Variants in MACC1 observed in about 807,000 individuals in gnomAD.
MACC1 encodes the protein metastasis-associated in colon cancer protein 1.
In MACC1, 79 loss-of-function variants were observed where a neutral mutation model predicts 70.7. That is an observed-to-expected ratio of 1.12 (90% CI 0.93 to 1.35). The LOEUF (loss-of-function observed/expected upper bound fraction) is 1.35. Ranked by LOEUF, MACC1 falls within the 40% of genes most tolerant of loss-of-function variation. The pLI is 0.00. For missense variants in MACC1, 1,106 were observed against 978.1 expected, an observed-to-expected ratio of 1.13 and a Z score of -1.74; for synonymous variants, 361 against 347.2, an observed-to-expected ratio of 1.04 and a Z score of -0.44.
intron 6 of MACC1, among the ~76,000 whole-genome samples, chr7:20,151,364 T>C (rs1338248126): frequency 6.6e-6 from 1 of 152,202 alleles, no homozygotes; most frequent in Non-Finnish European, 1.5e-5. Flanking sequence ...ACTCTAAATA[T>C]ATTCAGAAAA....
Position 20,159,028 on chromosome 7 carries a change from C to CA in MACC1, c.1332dup (p.Glu445Ter). 1 of 1,613,910 alleles carries CA rather than the reference C, an allele frequency of 6.2e-7. No homozygotes were observed. The highest frequency in any genetic ancestry group is 8.5e-7 in the Non-Finnish European group (1 of 1,179,978). On this transcript the variant is annotated frameshift_variant, in exon 5 of 7. Transcript: ENST00000400331. LOFTEE classifies it high-confidence loss of function. The stretch of plus-strand genomic sequence containing the variant: ...TTCCTTTCTCCTTCTGTCTTTACTT[C>CA]AAAATCAGGATCACAGGAAAAAATA...
chr7:20,216,387 A>G (rs1234052215), intron 1 of MACC1, among the ~76,000 whole-genome samples: 1 of 152,092 alleles, frequency 6.6e-6, no homozygotes, highest in Non-Finnish European at 1.5e-5. Context: ...ACCATTTGTA[A>G]GTGTTTACAC....
chr7:20,187,872 A>G (rs1274317301), intron 1 of MACC1, among the ~76,000 whole-genome samples: 2 of 152,158 alleles, frequency 1.3e-5, no homozygotes, highest in Non-Finnish European at 2.9e-5. Context: ...GGAAAAAACT[A>G]TCAGAGAGAA....
chr7:20,182,127 T>G (rs980570762), intron 1 of MACC1, among the ~76,000 whole-genome samples: 8 of 133,286 alleles, frequency 6.0e-5, no homozygotes, highest in African/African-American at 2.3e-4. Context: ...CACTCATAGG[T>G]GGGAATTGAA....
At position 20,137,465 on chromosome 7, in the gene MACC1, G is replaced by A. The variant is rs917549001; in HGVS notation, c.*3481C>T. The A allele has an allele frequency of 6.6e-6, 1 of 152,184 alleles. No individual in the cohort carries two copies. The highest frequency in any genetic ancestry group is 2.4e-5 in the African/African-American group (1 of 41,444). 9.4% of individuals were successfully genotyped at this position (152,184 alleles called of 1,614,324 possible). On this transcript the variant is annotated 3_prime_UTR_variant, in exon 7 of 7. Transcript: ENST00000400331. ...TTTCATATAAAGGCTTTAACACAAA[G>A]GAGGTAGAGGATCTGTGGCTTATAC...
At position 20,158,533 on chromosome 7, in the gene MACC1, G is replaced by A. The variant is rs766414832; in HGVS notation, c.1828C>T (p.His610Tyr). The A allele has an allele frequency of 1.9e-6, 3 of 1,614,044 alleles. No individual in the cohort carries two copies. The highest frequency in any genetic ancestry group is 1.7e-6 in the Non-Finnish European group (2 of 1,179,972). ...GAAATCACCTTGACATTTTTGCAGT[G>A]TACAAGTCCAATCTTACCTCTGAGG... Reference protein sequence around the residue: ...GVLRGKIGLVHCKNVKVISKE... With the variant: ...GVLRGKIGLVYCKNVKVISKE... Residue 610 changes from histidine (H) to tyrosine (Y), a missense_variant, in exon 5 of 7, where the codon CAC becomes TAC. Transcript: ENST00000400331.
chr7:20,214,641 C>T (rs1043335348), intron 1 of MACC1, among the ~76,000 whole-genome samples: 1 of 151,914 alleles, frequency 6.6e-6, no homozygotes, highest in Non-Finnish European at 1.5e-5. Context: ...GTACTTTTTG[C>T]CTACTAACAT....
At chr7:20,171,136 TAGAG>T (rs1297906262) in intron 1 of MACC1, among the ~76,000 whole-genome samples, 9 of 152,170 alleles carry the variant, frequency 5.9e-5, no homozygotes, top group South Asian at 2.1e-4. Context: ...AGACAACTGA[TAGAG>T]AAAGATGGAT....
At chr7:20,204,462 C>T (rs1431800664) in intron 1 of MACC1, among the ~76,000 whole-genome samples, 1 of 152,164 alleles carries the variant, frequency 6.6e-6, no homozygotes, top group Non-Finnish European at 1.5e-5. Context: ...CTGCTCAATT[C>T]TTTAGGATGT....
At chr7:20,183,392 C>A (rs1179109979) in intron 1 of MACC1, among the ~76,000 whole-genome samples, 2 of 152,144 alleles carry the variant, frequency 1.3e-5, no homozygotes, top group African/African-American at 4.8e-5. Context: ...AGATTTTTCC[C>A]CAGAGCCTCC....
At chr7:20,180,135 A>G (rs977249292) in intron 1 of MACC1, among the ~76,000 whole-genome samples, 1 of 152,180 alleles carries the variant, frequency 6.6e-6, no homozygotes, top group East Asian at 1.9e-4. Context: ...ATAATGATAG[A>G]AAGTATGTTC....
At chr7:20,203,747 A>G (rs1782867517) in intron 1 of MACC1, among the ~76,000 whole-genome samples, 2 of 152,176 alleles carry the variant, frequency 1.3e-5, no homozygotes, top group South Asian at 2.1e-4. Context: ...AATATTGCCA[A>G]TTGGGATTTT....
At chr7:20,177,396 A>G (rs1782410504) in intron 1 of MACC1, among the ~76,000 whole-genome samples, 1 of 152,082 alleles carries the variant, frequency 6.6e-6, no homozygotes, top group Non-Finnish European at 1.5e-5. Flanking sequence ...AAAATCTCCC[A>G]CCATGATTTT....
chr7:20,182,691 T>C (rs1782528817), intron 1 of MACC1, among the ~76,000 whole-genome samples: 1 of 152,134 alleles, frequency 6.6e-6, no homozygotes, highest in Non-Finnish European at 1.5e-5. Context: ...GTTTGTAAGT[T>C]TCCCCCATAA....
intron 1 of MACC1, among the ~76,000 whole-genome samples, chr7:20,211,342 TATTATC>T (rs755773607): frequency 3.0e-4 from 46 of 152,278 alleles, no homozygotes; most frequent in Non-Finnish European, 6.3e-4. Context: ...TTACTATCAA[TATTATC>T]ATTATCATTA....
chr7:20,197,898 G>A (rs1782779065), intron 1 of MACC1, among the ~76,000 whole-genome samples: 1 of 151,956 alleles, frequency 6.6e-6, no homozygotes, highest in Non-Finnish European at 1.5e-5. Flanking sequence ...ATATTATACA[G>A]GCTTATATTG....
intron 1 of MACC1, among the ~76,000 whole-genome samples, chr7:20,213,203 T>C (rs1783023160): frequency 6.6e-6 from 1 of 152,024 alleles, no homozygotes; most frequent in Non-Finnish European, 1.5e-5. Flanking sequence ...ATTAAAGAAA[T>C]ACAAATCAAA....
At position 20,154,324 on chromosome 7, in the gene MACC1, C is replaced by T. The variant is rs772177648; in HGVS notation, c.2215G>A (p.Val739Ile). The change falls in exon 6 of 7, where the codon GTT (valine) becomes ATT (isoleucine). Residue 739 changes from valine (V) to isoleucine (I), a missense_variant. Coordinates refer to ENST00000400331, the MANE Select transcript of MACC1 (RefSeq NM_182762.4). ...CCAAGCTTGACAGCTGAAGTCAGAACAGCAGCTTCTTGGATGAGACGTGCG... is the reference window on the plus strand; with the variant it reads ...CCAAGCTTGACAGCTGAAGTCAGAATAGCAGCTTCTTGGATGAGACGTGCG... ...LVARLIQEAAVLTSAVKLGKG... is the reference protein window; with the variant it reads ...LVARLIQEAAILTSAVKLGKG... 4.3e-6 allele frequency: 7 copies of T among 1,613,854 alleles called. No individual in the cohort carries two copies. In the African/African-American group the frequency reaches 5.3e-5, roughly 12 times the overall value.
intron 6 of MACC1, 67 bp downstream of exon 6, chr7:20,154,126 T>G (rs1179418781): frequency 6.5e-7 from 1 of 1,539,054 alleles, no homozygotes; most frequent in African/African-American, 1.4e-5. Flanking sequence ...GTGGTATGGG[T>G]TTGATTACAT....
Sources: gnomAD v4.1 joint callset for allele counts (sites outside exome capture counted in the v4.1 genomes callset) on GRCh38, gnomAD v4.1.1 for gene constraint, MANE v1.5 for transcripts, NCBI Gene and HGNC (gene_info 2026-07-23, HGNC 2026-07-21) for gene names.